Variants in CACNA2D3 observed in about 807,000 individuals in gnomAD.
CACNA2D3 encodes the protein calcium voltage-gated channel auxiliary subunit alpha2delta 3, also known as voltage-dependent calcium channel subunit alpha-2/delta-3.
In CACNA2D3, 60 loss-of-function variants were observed where a neutral mutation model predicts 160.6. The ratio of observed to expected loss-of-function variants is 0.37; its 90% CI spans 0.30 to 0.46. The LOEUF (loss-of-function observed/expected upper bound fraction) is 0.46, where lower values mean the gene tolerates loss of function less well. Ranked by LOEUF, CACNA2D3 falls within the 20% of genes least tolerant of loss-of-function variation. The pLI is 1.00. For synonymous variants in CACNA2D3, 558 were observed against 492.9 expected, an observed-to-expected ratio of 1.13 and a Z score of -1.75; for missense variants, 1,205 against 1,365.0, an observed-to-expected ratio of 0.88 and a Z score of 1.85.
intron 11 of CACNA2D3, among the ~76,000 whole-genome samples, chr3:54,654,978 A>G (rs1054071708): frequency 1.5e-4 from 23 of 152,304 alleles, no homozygotes; most frequent in African/African-American, 4.8e-4. Flanking sequence ...AATAGCTGAC[A>G]AAGCAGAAAC....
chr3:55,023,050 G>T (rs1262830540), intron 35 of CACNA2D3, among the ~76,000 whole-genome samples: 7 of 152,068 alleles, frequency 4.6e-5, no homozygotes, highest in African/African-American at 1.4e-4. Context: ...TTCCAAGAAT[G>T]ATCTGAGAGT....
At position 54,763,825 on chromosome 3, in the gene CACNA2D3, G is replaced by A. The variant is rs1418935046; in HGVS notation, c.1247-393G>A. Among the ~76,000 whole-genome samples the A allele has an allele frequency of 7.4e-4, 43 of 58,330 alleles. 10 individuals carry two copies. The highest frequency in any genetic ancestry group is 3.2e-3 in the Admixed American group (13 of 4,054). The allele number at this position is 58,330 out of a possible 152,430, so 38.3% of individuals were successfully genotyped here. A position where few individuals can be genotyped will look rare whatever the true frequency, so the allele number is the denominator to read the frequency against. ...TACATATATATACATATATATATAC[G>A]TATATATATGTATATATATGTACAT... On this transcript the variant is annotated intron_variant, in intron 12 of 37. Transcript: ENST00000474759.
intron 27 of CACNA2D3, among the ~76,000 whole-genome samples, chr3:54,908,197 T>C (rs1559624920): frequency 6.6e-6 from 1 of 152,244 alleles, no homozygotes; most frequent in African/African-American, 2.4e-5. Context: ...TTCCAATTTT[T>C]CTACATCCTT....
rs35630668 is a variant in CACNA2D3 at position 54,208,746 on chromosome 3, C to CTTT, written c.204+85160_204+85162dup. ...ACTGTGTAGGTGGTCATTAAAAAAC[C>CTTT]TTTTTTTTTTCAATTATCACAATGT... On this transcript the variant is annotated intron_variant, in intron 2 of 37. Coordinates refer to ENST00000474759, the MANE Select transcript of CACNA2D3 (RefSeq NM_018398.3). Among the ~76,000 whole-genome samples the CTTT allele has an allele frequency of 1.1e-4, 17 of 149,920 alleles. 1 individual carries two copies. In the South Asian group the frequency reaches 3.2e-3, roughly 28 times the overall value.
chr3:54,373,143 G>A lies in CACNA2D3; in HGVS notation c.322-13572G>A, dbSNP rs147407358. Among the ~76,000 whole-genome samples, 428 of 152,288 alleles carry A rather than the reference G, an allele frequency of 2.8e-3. 3 individuals carry two copies. Among genetic ancestry groups the A allele is most frequent in the African/African-American group, 1.0e-2 (415 of 41,564 alleles). ...TTATTTCTGCACCTGGGGGAGGAAG[G>A]CTTTTTCTGAGGACCCTGAAGCCAC... On this transcript the variant is annotated intron_variant, in intron 3 of 37. Transcript: ENST00000474759.
chr3:54,252,100 G>GTTTTTTTTTTTTTTTTTTTT lies in CACNA2D3; in HGVS notation c.205-68328_205-68327insTTTTTTTTTTTTTTTTTTTT, dbSNP rs548233026. 3.1e-4 allele frequency among the ~76,000 whole-genome samples: 37 copies of GTTTTTTTTTTTTTTTTTTTT among 120,970 alleles called. 3 individuals carry two copies. The highest frequency in any genetic ancestry group is 1.0e-3 in the African/African-American group (30 of 29,208). 79.4% of individuals were successfully genotyped at this position (120,970 alleles called of 152,430 possible). ...TCCAATTTCTCTTTTTGCAGAGCTA[G>GTTTTTTTTTTTTTTTTTTTT]TTTTTTTTTTTTTTGTACGATACTC... On this transcript the variant is annotated intron_variant, in intron 2 of 37. Transcript: ENST00000474759.
chr3:54,990,357 G>A (rs1012944689), intron 31 of CACNA2D3, among the ~76,000 whole-genome samples: 2 of 152,054 alleles, frequency 1.3e-5, no homozygotes, highest in Non-Finnish European at 2.9e-5. Context: ...AAGGTGAAAC[G>A]CTGTCTCTAC....
intron 3 of CACNA2D3, among the ~76,000 whole-genome samples, chr3:54,344,532 A>G (rs1454149870): frequency 6.6e-6 from 1 of 152,248 alleles, no homozygotes; most frequent in Non-Finnish European, 1.5e-5. Flanking sequence ...CTCATATGCC[A>G]TCTAACCAGA....
chr3:54,541,707 A>C (rs1478265046), intron 5 of CACNA2D3, among the ~76,000 whole-genome samples: 2 of 152,236 alleles, frequency 1.3e-5, no homozygotes, highest in Admixed American at 6.5e-5. Context: ...GGAAAGCATC[A>C]AGAAAGATCA....
At chr3:54,980,696 T>C (rs56318836) in intron 29 of CACNA2D3, among the ~76,000 whole-genome samples, 27,555 of 152,118 alleles carry the variant, frequency 0.18, 2,714 homozygotes, top group East Asian at 0.32. Flanking sequence ...AGGGCATGAC[T>C]CTCCATATGT....
intron 14 of CACNA2D3, among the ~76,000 whole-genome samples, chr3:54,828,111 G>A (rs1484686042): frequency 6.6e-6 from 1 of 152,228 alleles, no homozygotes; most frequent in Non-Finnish European, 1.5e-5. Flanking sequence ...TATGGAGGAA[G>A]CAGCATTTCA....
At chr3:54,284,133 C>T (rs1357046128) in intron 2 of CACNA2D3, among the ~76,000 whole-genome samples, 3 of 152,088 alleles carry the variant, frequency 2.0e-5, no homozygotes, top group African/African-American at 7.2e-5. Flanking sequence ...AACCTTTTTC[C>T]CTTTTAAATG....
At chr3:54,797,857 A>G (rs1702898217) in intron 13 of CACNA2D3, among the ~76,000 whole-genome samples, 1 of 152,212 alleles carries the variant, frequency 6.6e-6, no homozygotes. Flanking sequence ...AAACTAAACC[A>G]TTGCTATGCA....
intron 2 of CACNA2D3, among the ~76,000 whole-genome samples, chr3:54,297,440 C>G (rs1462146399): frequency 1.4e-5 from 2 of 144,466 alleles, no homozygotes; most frequent in Non-Finnish European, 3.1e-5. Context: ...CATAACCCAA[C>G]TCTCAGTTAG....
intron 13 of CACNA2D3, among the ~76,000 whole-genome samples, chr3:54,780,412 A>G (rs1702510093): frequency 6.6e-6 from 1 of 152,208 alleles, no homozygotes. Context: ...CTTAAGGCAT[A>G]TTGTTTATAC....
At position 54,891,391 on chromosome 3, in the gene CACNA2D3, C is replaced by T. The variant is rs774218070; in HGVS notation, c.2187C>T (p.Gly729=). Residue 729 remains glycine, a synonymous_variant, in exon 25 of 38, where the codon GGC becomes GGT. Coordinates refer to ENST00000474759, the MANE Select transcript of CACNA2D3 (RefSeq NM_018398.3). ...AGGGCGTGGAGGTTGCCTTCCTCGG[C>T]ACTCGCACGGGCCTCTCCAGAATCA... ...SDKGVEVAFL[G]TRTGLSRINL... The T allele has an allele frequency of 6.2e-7, 1 of 1,613,926 alleles. No individual in the cohort carries two copies. Among genetic ancestry groups the T allele is most frequent in the African/African-American group, 1.3e-5 (1 of 75,026 alleles).
chr3:54,473,599 C>G (rs557400815), intron 4 of CACNA2D3, among the ~76,000 whole-genome samples: 1 of 152,228 alleles, frequency 6.6e-6, no homozygotes, highest in South Asian at 2.1e-4. Flanking sequence ...AACAGGCAAC[C>G]TACAGAATGG....
rs528849458 is a variant in CACNA2D3 at position 54,790,076 on chromosome 3, C to G, written c.1380+25725C>G. Among the ~76,000 whole-genome samples the G allele has an allele frequency of 3.9e-5, 6 of 152,276 alleles. No homozygotes were observed. The East Asian group carries it at 9.7e-4, about 25-fold the overall frequency. On this transcript the variant is annotated intron_variant, in intron 13 of 37. Transcript: ENST00000474759. Reference sequence around the variant, plus strand: ...TGGAGTGATTCCTGGATTACACTTTCCTGGCTGGAGTGTACTAGGGTAGTT... The same window carrying G: ...TGGAGTGATTCCTGGATTACACTTTGCTGGCTGGAGTGTACTAGGGTAGTT...
intron 17 of CACNA2D3, among the ~76,000 whole-genome samples, chr3:54,864,835 A>G (rs926534702): frequency 3.3e-5 from 5 of 152,052 alleles, no homozygotes; most frequent in African/African-American, 1.2e-4. Flanking sequence ...CTCAGAAACG[A>G]GGTTGGGCTG....
Sources: allele counts gnomAD v4.1 joint callset (sites outside exome capture counted in the v4.1 genomes callset), GRCh38; gene constraint gnomAD v4.1.1; transcripts MANE v1.5; gene names NCBI Gene and HGNC (gene_info 2026-07-23, HGNC 2026-07-21).